COL10A1: variants seen among roughly 807,000 people sequenced by gnomAD.
COL10A1 encodes the protein collagen type X alpha 1 chain.
In COL10A1, 10 loss-of-function variants were observed where a neutral mutation model predicts 18.2. The observed-to-expected ratio is 0.55, with a 90% CI of 0.34 to 0.93. The LOEUF is 0.93. Among genes scored for constraint, COL10A1 ranks in the 40% least tolerant of loss-of-function variants. The pLI is 0.02. For synonymous variants in COL10A1, 330 were observed against 316.6 expected, an observed-to-expected ratio of 1.04 and a Z score of -0.45; for missense variants, 897 against 853.5, an observed-to-expected ratio of 1.05 and a Z score of -0.64.
At chr6:116,199,109 C>T in the COL10A1 span, among the ~76,000 whole-genome samples, 6 of 151,874 alleles carry the variant, frequency 4.0e-5, no homozygotes, top group African/African-American at 1.5e-4. Context: ...CCAAATGTCC[C>T]TGGGGGGTGA....
At chr6:116,134,372 A>G (rs931879232) in intron 1 of COL10A1, among the ~76,000 whole-genome samples, 2 of 152,194 alleles carry the variant, frequency 1.3e-5, no homozygotes, top group Non-Finnish European at 2.9e-5. Flanking sequence ...GTGTGAATCT[A>G]TCTTCCAAAT....
At chr6:116,199,933 TG>T in the COL10A1 span, among the ~76,000 whole-genome samples, 1 of 150,440 alleles carries the variant, frequency 6.6e-6, no homozygotes, top group Non-Finnish European at 1.5e-5. Context: ...AGGTAGAGCA[TG>T]AATTTTTACT....
upstream of COL10A1, among the ~76,000 whole-genome samples, chr6:116,160,889 C>T (rs1056556751): frequency 1.3e-5 from 2 of 152,088 alleles, no homozygotes; most frequent in Non-Finnish European, 2.9e-5. Context: ...GACACATGCA[C>T]ACGTATGTTT....
the COL10A1 span, among the ~76,000 whole-genome samples, chr6:116,185,340 T>G: frequency 2.0e-5 from 3 of 152,108 alleles, no homozygotes; most frequent in Non-Finnish European, 4.4e-5. Flanking sequence ...TATTCTGCAG[T>G]TGTTGGGTAG....
chr6:116,175,922 C>G, the COL10A1 span, among the ~76,000 whole-genome samples: 4 of 151,942 alleles, frequency 2.6e-5, no homozygotes, highest in Non-Finnish European at 4.4e-5. Flanking sequence ...TATTGATTAA[C>G]TTGTCTTTTA....
At chr6:116,130,141 C>T (rs903811027), upstream of COL10A1, among the ~76,000 whole-genome samples, 7 of 152,042 alleles carry the variant, frequency 4.6e-5, no homozygotes, top group Non-Finnish European at 8.8e-5. Context: ...AGGATATTCT[C>T]TATAAAGAAA....
chr6:116,179,384 C>G, the COL10A1 span, among the ~76,000 whole-genome samples: 1 of 151,880 alleles, frequency 6.6e-6, no homozygotes, highest in African/African-American at 2.4e-5. Context: ...CATTCCTTTT[C>G]ATGCATCTGA....
chr6:116,178,520 C>G, the COL10A1 span, among the ~76,000 whole-genome samples: 1 of 152,202 alleles, frequency 6.6e-6, no homozygotes. Context: ...AACTAACCGA[C>G]TTCCAGTCAT....
chr6:116,142,593 G>A (rs894485796), intron 1 of COL10A1, among the ~76,000 whole-genome samples: 1 of 151,152 alleles, frequency 6.6e-6, no homozygotes, highest in Non-Finnish European at 1.5e-5. Flanking sequence ...TAAAAACTGT[G>A]TTTTTTCCTT....
chr6:116,142,344 A>G (rs1779788654), intron 1 of COL10A1, among the ~76,000 whole-genome samples: 1 of 151,340 alleles, frequency 6.6e-6, no homozygotes, highest in South Asian at 2.1e-4. Flanking sequence ...TTCAAGTTGT[A>G]AAAAAAAATT....
At chr6:116,172,415 G>A in the COL10A1 span, among the ~76,000 whole-genome samples, 2 of 144,488 alleles carry the variant, frequency 1.4e-5, no homozygotes, top group African/African-American at 5.2e-5. Flanking sequence ...TCTACCTCCC[G>A]GGTTCAGGCA....
intron 2 of COL10A1, among the ~76,000 whole-genome samples, 174 bp downstream of exon 2, chr6:116,125,165 T>C (rs927118438): frequency 7.9e-5 from 12 of 152,248 alleles, no homozygotes; most frequent in African/African-American, 2.9e-4. Context: ...CTACTACACT[T>C]ATTGGATATT....
chr6:116,196,118 A>G, the COL10A1 span, among the ~76,000 whole-genome samples: 1 of 152,020 alleles, frequency 6.6e-6, no homozygotes, highest in Non-Finnish European at 1.5e-5. Context: ...TGCTATCCAC[A>G]AGAGTGAGAT....
At chr6:116,150,266 G>GT (rs201650607) in intron 1 of COL10A1, among the ~76,000 whole-genome samples, 8,488 of 149,158 alleles carry the variant, frequency 0.057, 253 homozygotes, top group Non-Finnish European at 0.07. Context: ...TAAGAAAATG[G>GT]TTTTTTTTTT....
chr6:116,209,155 A>G, the COL10A1 span, among the ~76,000 whole-genome samples: 2 of 152,058 alleles, frequency 1.3e-5, no homozygotes, highest in African/African-American at 4.8e-5. Context: ...TAGTTATTAA[A>G]TACTACATAT....
chr6:116,148,864 C>G (rs2114389967), intron 1 of COL10A1, among the ~76,000 whole-genome samples: 1 of 152,190 alleles, frequency 6.6e-6, no homozygotes, highest in East Asian at 1.9e-4. Context: ...AAATAAGGGT[C>G]TAGCCAAAGA....
At chr6:116,129,072 T>C (rs2114323215), upstream of COL10A1, among the ~76,000 whole-genome samples, 1 of 152,302 alleles carries the variant, frequency 6.6e-6, no homozygotes, top group South Asian at 2.1e-4. Context: ...CCATATATTG[T>C]ACCAATTTAC....
intron 1 of COL10A1, among the ~76,000 whole-genome samples, chr6:116,143,507 C>T (rs189280147): frequency 1.7e-3 from 265 of 152,122 alleles, no homozygotes; most frequent in African/African-American, 6.0e-3. Flanking sequence ...CCACTGTGCC[C>T]GGCCTTTCCC....
chr6:116,160,424 G>A (rs1318830663), upstream of COL10A1, among the ~76,000 whole-genome samples: 2 of 151,868 alleles, frequency 1.3e-5, no homozygotes, highest in Admixed American at 6.6e-5. Flanking sequence ...ATTTTGAGAA[G>A]TGTCTGTTCA....
Sources: allele counts gnomAD v4.1 joint callset (sites outside exome capture counted in the v4.1 genomes callset), GRCh38; gene constraint gnomAD v4.1.1; transcripts MANE v1.5; gene names NCBI Gene and HGNC (gene_info 2026-07-23, HGNC 2026-07-21).